COL5A2: variants seen among roughly 807,000 people sequenced by gnomAD.
COL5A2 encodes the protein collagen type V alpha 2 chain.
A neutral mutation model predicts 208.2 loss-of-function variants in COL5A2; 23 were observed. The ratio of observed to expected loss-of-function variants is 0.11; its 90% CI spans 0.08 to 0.16. The LOEUF (loss-of-function observed/expected upper bound fraction) is 0.16. COL5A2 is among the 10% of genes least tolerant of loss of function. The probability of loss-of-function intolerance (pLI) is 1.00; values close to 1 mark genes in which losing one functional copy is unlikely to be tolerated. For synonymous variants in COL5A2, 625 were observed against 628.5 expected (o/e 0.99, Z 0.08); for missense variants, 1,590 against 1,956.4 (o/e 0.81, Z 3.53).
intron 40 of COL5A2, 103 bp from the exon 41 acceptor site, chr2:189,052,328 T>C: frequency 1.9e-6 from 2 of 1,079,750 alleles, no homozygotes; most frequent in South Asian, 1.3e-5. Context: ...CCTTTAGATT[T>C]CCTTTCATGT....
the COL5A2 span, among the ~76,000 whole-genome samples, chr2:189,368,670 T>C: frequency 1.3e-5 from 2 of 152,186 alleles, no homozygotes; most frequent in Non-Finnish European, 2.9e-5. Flanking sequence ...TTAACATAAC[T>C]TGATACAAAA....
chr2:189,111,475 T>C (rs1687259430), intron 1 of COL5A2, among the ~76,000 whole-genome samples: 1 of 152,162 alleles, frequency 6.6e-6, no homozygotes, highest in Admixed American at 6.5e-5. Flanking sequence ...ACTTGACCAC[T>C]TTTGCCCAGC....
the COL5A2 span, chr2:189,311,691 C>T: frequency 2.3e-5 from 17 of 752,132 alleles, no homozygotes; most frequent in African/African-American, 2.9e-4. Flanking sequence ...GCTCCAACCT[C>T]AGTGGACTGC....
intron 53 of COL5A2, among the ~76,000 whole-genome samples, chr2:189,034,501 C>T (rs1685402031): frequency 6.6e-6 from 1 of 152,092 alleles, no homozygotes; most frequent in South Asian, 2.1e-4. Flanking sequence ...CTATAATTCA[C>T]CATTTAGTAT....
At chr2:189,421,273 A>G in the COL5A2 span, among the ~76,000 whole-genome samples, 1 of 152,172 alleles carries the variant, frequency 6.6e-6, no homozygotes, top group Non-Finnish European at 1.5e-5. Flanking sequence ...TTGCAGGGAA[A>G]GGGAAGAGTA....
At chr2:189,404,129 A>G in the COL5A2 span, among the ~76,000 whole-genome samples, 1 of 152,176 alleles carries the variant, frequency 6.6e-6, no homozygotes, top group African/African-American at 2.4e-5. Context: ...GAGTGATATG[A>G]TTAATTTTGT....
chr2:189,226,479 C>A (rs555012304), upstream of COL5A2, among the ~76,000 whole-genome samples: 6 of 152,096 alleles, frequency 3.9e-5, no homozygotes, highest in Non-Finnish European at 7.4e-5. Flanking sequence ...TCACCATAGT[C>A]CTTCTGCCTG....
the COL5A2 span, among the ~76,000 whole-genome samples, chr2:189,354,138 T>G: frequency 6.6e-6 from 1 of 152,326 alleles, no homozygotes; most frequent in South Asian, 2.1e-4. Flanking sequence ...ACCAACTTCC[T>G]CATTGTGGAT....
At chr2:189,311,553 G>A in the COL5A2 span, 4 of 1,265,060 alleles carry the variant, frequency 3.2e-6, no homozygotes, top group African/African-American at 1.5e-5. Flanking sequence ...TGCTCCATCT[G>A]CTGGGCGTAG....
At chr2:189,183,011 T>TG (rs1235509039), upstream of COL5A2, among the ~76,000 whole-genome samples, 1 of 152,142 alleles carries the variant, frequency 6.6e-6, no homozygotes, top group Non-Finnish European at 1.5e-5. Flanking sequence ...TAGTCAATCT[T>TG]GAAAATAAAA....
chr2:189,122,935 G>C (rs898452271), intron 1 of COL5A2, among the ~76,000 whole-genome samples: 1 of 151,248 alleles, frequency 6.6e-6, no homozygotes, highest in African/African-American at 2.4e-5. Flanking sequence ...AAATACGAAG[G>C]GTTTGATGAA....
At chr2:189,430,172 T>C in the COL5A2 span, among the ~76,000 whole-genome samples, 3 of 152,216 alleles carry the variant, frequency 2.0e-5, no homozygotes, top group Non-Finnish European at 4.4e-5. Context: ...TTAGGGAATA[T>C]CTTGATTATC....
chr2:189,088,418 A>G (rs1442730738), intron 8 of COL5A2, among the ~76,000 whole-genome samples: 1 of 152,206 alleles, frequency 6.6e-6, no homozygotes, highest in Non-Finnish European at 1.5e-5. Flanking sequence ...GGCTGTGGTT[A>G]TATGTCTTAA....
intron 41 of COL5A2, 56 bp downstream of exon 41, chr2:189,052,116 T>C (rs1685802386): frequency 7.2e-7 from 1 of 1,396,802 alleles, no homozygotes; most frequent in Non-Finnish European, 1.0e-6. Flanking sequence ...CTCAAATGTA[T>C]ACGTGTGTGT....
the COL5A2 span, among the ~76,000 whole-genome samples, chr2:189,277,855 C>T: frequency 1.7e-4 from 26 of 152,050 alleles, no homozygotes; most frequent in African/African-American, 5.8e-4. Flanking sequence ...GCAGTATATG[C>T]ATTTGGGTTT....
chr2:189,403,010 G>A, the COL5A2 span, among the ~76,000 whole-genome samples: 4 of 152,126 alleles, frequency 2.6e-5, no homozygotes, highest in Non-Finnish European at 4.4e-5. Context: ...CAGTATGGCC[G>A]TTTCCATGAT....
At chr2:189,189,136 T>A (rs1688892496) in intron 1 of COL5A2, among the ~76,000 whole-genome samples, 1 of 152,222 alleles carries the variant, frequency 6.6e-6, no homozygotes, top group African/African-American at 2.4e-5. Flanking sequence ...TGTATTTGAA[T>A]GAAATAATTG....
the COL5A2 span, among the ~76,000 whole-genome samples, chr2:189,272,016 G>T: frequency 3.3e-5 from 5 of 152,138 alleles, no homozygotes; most frequent in Non-Finnish European, 5.9e-5. Context: ...AACAACAGAT[G>T]CTGGAGAGGA....
chr2:189,205,126 GA>G (rs1161631216), intron 1 of COL5A2, among the ~76,000 whole-genome samples: 1 of 152,156 alleles, frequency 6.6e-6, no homozygotes, highest in Non-Finnish European at 1.5e-5. Flanking sequence ...AAGAAGCAAA[GA>G]AGTATAATTT....
Sources: allele counts gnomAD v4.1 joint callset (sites outside exome capture counted in the v4.1 genomes callset), GRCh38; gene constraint gnomAD v4.1.1; transcripts MANE v1.5; gene names NCBI Gene and HGNC (gene_info 2026-07-23, HGNC 2026-07-21).